Variants in C10orf143 observed in about 807,000 individuals in gnomAD.
C10orf143 encodes uncharacterized protein C10orf143.
At chr10:130,051,282 C>T (rs113320231) in intron 3 of C10orf143, among the ~76,000 whole-genome samples, 920 of 133,298 alleles carry the variant, frequency 6.9e-3, no homozygotes, top group Middle Eastern at 0.021. Context: ...CTCCTACCCC[C>T]GCCTCATTAA....
rs1363429269 is a variant in C10orf143, at chr10:130,084,624, T to C, written c.70-4723A>G. ...ATATAGAAATATATAAAGATATGTATGTGTGAGTTACTGTGTGTGCAGGTG... is the reference window on the plus strand; with the variant it reads ...ATATAGAAATATATAAAGATATGTACGTGTGAGTTACTGTGTGTGCAGGTG... On this transcript the variant is annotated intron_variant, in intron 1 of 3. Transcript: ENST00000637128. 2.0e-5 allele frequency among the ~76,000 whole-genome samples: 3 copies of C among 148,236 alleles called. No individual in the cohort carries two copies. The East Asian group carries it at 6.0e-4, about 29-fold the overall frequency.
Position 130,110,740 on chromosome 10 carries a change from C to G in C10orf143, c.33G>C (p.Gln11His), listed in dbSNP as rs1206072440. 2.5e-6 allele frequency: 1 copy of G among 398,898 alleles called. No homozygotes were observed. The highest frequency in any genetic ancestry group is 2.1e-5 in the African/African-American group (1 of 48,646). The allele number at this position is 398,898 out of a possible 1,614,324, so 24.7% of individuals were successfully genotyped here. The change falls in exon 1 of 4, where the codon CAG becomes CAC. Residue 11 changes from glutamine (Q) to histidine (H), a missense_variant. Physicochemically the swap from Gln to His is conservative, Grantham distance 24 (BLOSUM62 0). Coordinates refer to ENST00000637128, the MANE Select transcript of C10orf143 (RefSeq NM_001355042.2). MDSLALGRWRQRRAEDLQVPG... is the reference protein window; with the variant it reads MDSLALGRWRHRRAEDLQVPG... The stretch of plus-strand genomic sequence containing the variant: ...GAACCTGCAGATCCTCCGCCCTCCG[C>G]TGTCGCCAGCGGCCGAGCGCTAAGC...
chr10:130,054,172 T>C (rs2134735400), intron 3 of C10orf143, among the ~76,000 whole-genome samples: 1 of 152,340 alleles, frequency 6.6e-6, no homozygotes, highest in African/African-American at 2.4e-5. Context: ...GACTTGCAAC[T>C]GCCCGTTTTC....
At chr10:130,064,423 C>A in intron 3 of C10orf143, 40 bp from the exon 4 acceptor site, 1 of 398,442 alleles carries the variant, frequency 2.5e-6, no homozygotes, top group South Asian at 1.3e-4. Context: ...ATTAATTTAC[C>A]TTGGCCAAAT....
rs574793713 is a variant in C10orf143, at chr10:130,108,276, C to T, written c.69+2428G>A. The T allele has an allele frequency of 3.7e-5, 58 of 1,571,448 alleles. No individual in the cohort carries two copies. The South Asian group carries it at 6.1e-4, about 17-fold the overall frequency. Reference sequence around the variant, plus strand: ...GGGGATTTCCCAGGTCCACCACATGCTCCGTTTGCAATGAGAAATGTCTAT... The same window carrying T: ...GGGGATTTCCCAGGTCCACCACATGTTCCGTTTGCAATGAGAAATGTCTAT... On this transcript the variant is annotated intron_variant, in intron 1 of 3. Coordinates refer to ENST00000637128, the MANE Select transcript of C10orf143 (RefSeq NM_001355042.2).
At chr10:130,107,176 A>C in intron 1 of C10orf143, 1 of 1,536,176 alleles carries the variant, frequency 6.5e-7, no homozygotes, top group Non-Finnish European at 9.0e-7. Flanking sequence ...AGAAGCTTCA[A>C]CAGAAACTTA....
chr10:130,053,222 A>G (rs1006114438), intron 3 of C10orf143, among the ~76,000 whole-genome samples: 104 of 152,140 alleles, frequency 6.8e-4, no homozygotes, highest in African/African-American at 2.4e-3. Flanking sequence ...CATCACACCC[A>G]GCTAATTTTT....
At chr10:130,048,300 T>G (rs1177228855) in intron 3 of C10orf143, among the ~76,000 whole-genome samples, 1 of 152,198 alleles carries the variant, frequency 6.6e-6, no homozygotes, top group Non-Finnish European at 1.5e-5. Flanking sequence ...TGGACCCACC[T>G]GCCTTGACAG....
chr10:130,047,595 T>C (rs769634508), intron 3 of C10orf143, among the ~76,000 whole-genome samples: 2 of 152,176 alleles, frequency 1.3e-5, no homozygotes, highest in African/African-American at 2.4e-5. Context: ...GCTTCCTGCG[T>C]CCAGAGCTGG....
At chr10:130,108,695 G>T (rs952118059) in intron 1 of C10orf143, among the ~76,000 whole-genome samples, 8 of 152,154 alleles carry the variant, frequency 5.3e-5, no homozygotes, top group African/African-American at 1.9e-4. Flanking sequence ...AACAACAGTG[G>T]GAGTTTTACG....
At chr10:130,078,553 A>G (rs2134766284) in intron 3 of C10orf143, among the ~76,000 whole-genome samples, 2 of 152,340 alleles carry the variant, frequency 1.3e-5, no homozygotes, top group East Asian at 3.9e-4. Context: ...AATTTTTCTA[A>G]AGAGAGTACA....
At chr10:130,080,596 A>G (rs1330723923) in intron 1 of C10orf143, among the ~76,000 whole-genome samples, 2 of 152,212 alleles carry the variant, frequency 1.3e-5, no homozygotes, top group African/African-American at 4.8e-5. Flanking sequence ...ACCCTGGCCC[A>G]GGGCGAGAAA....
chr10:130,059,648 G>A (rs1461705634), downstream of C10orf143, among the ~76,000 whole-genome samples: 1 of 152,110 alleles, frequency 6.6e-6, no homozygotes, highest in Non-Finnish European at 1.5e-5. Context: ...GGAAACACAG[G>A]TCAGGGAAGC....
At chr10:130,084,138 A>C (rs1404903175) in intron 1 of C10orf143, among the ~76,000 whole-genome samples, 3 of 151,796 alleles carry the variant, frequency 2.0e-5, no homozygotes, top group Non-Finnish European at 4.4e-5. Context: ...GTAAAACCCC[A>C]TCTCTACTAA....
intron 1 of C10orf143, among the ~76,000 whole-genome samples, chr10:130,085,284 C>T (rs1407124008): frequency 6.6e-6 from 1 of 152,158 alleles, no homozygotes; most frequent in Non-Finnish European, 1.5e-5. Context: ...AGTAACTTTA[C>T]CGTGGATAAA....
At chr10:130,043,241 A>G (rs1342889106) in intron 3 of C10orf143, among the ~76,000 whole-genome samples, 1 of 152,234 alleles carries the variant, frequency 6.6e-6, no homozygotes, top group Admixed American at 6.5e-5. Flanking sequence ...CCAAGGAGTT[A>G]TACGGCAAAA....
chr10:130,061,219 T>A (rs1438541319), downstream of C10orf143, among the ~76,000 whole-genome samples: 1 of 152,240 alleles, frequency 6.6e-6, no homozygotes, highest in African/African-American at 2.4e-5. Context: ...AGGACGCACA[T>A]CAAAATGTGA....
At chr10:130,086,571 T>A (rs1355962487) in intron 1 of C10orf143, among the ~76,000 whole-genome samples, 1 of 152,208 alleles carries the variant, frequency 6.6e-6, no homozygotes, top group East Asian at 1.9e-4. Flanking sequence ...GCTCAATCCT[T>A]ACAGTGCAAA....
chr10:130,079,199 G>A (rs143245615), intron 3 of C10orf143, among the ~76,000 whole-genome samples: 1 of 152,218 alleles, frequency 6.6e-6, no homozygotes, highest in African/African-American at 2.4e-5. Flanking sequence ...AGCATAAACA[G>A]GGAAAAGAAA....
Sources: gnomAD v4.1 joint callset for allele counts (sites outside exome capture counted in the v4.1 genomes callset) on GRCh38, gnomAD v4.1.1 for gene constraint, MANE v1.5 for transcripts, NCBI Gene and HGNC (gene_info 2026-07-23, HGNC 2026-07-21) for gene names.